The following TRIM37 variants were observed in gnomAD, a reference collection of about 807,000 sequenced individuals.
The protein encoded by TRIM37 is tripartite motif containing 37, also known as E3 ubiquitin-protein ligase TRIM37.
Under a neutral mutation model 129.8 loss-of-function variants are expected in TRIM37, and 80 were observed. The observed-to-expected ratio is 0.62, with a 90% CI of 0.51 to 0.74. The LOEUF (loss-of-function observed/expected upper bound fraction) is 0.74, where lower values mean the gene tolerates loss of function less well. TRIM37 is among the 30% of genes least tolerant of loss of function. The pLI is 0.00. For synonymous variants in TRIM37, 389 were observed against 387.1 expected, an observed-to-expected ratio of 1.00 and a Z score of -0.06; for missense variants, 1,054 against 1,176.5, an observed-to-expected ratio of 0.90 and a Z score of 1.52.
intron 16 of TRIM37, among the ~76,000 whole-genome samples, chr17:59,045,580 A>T (rs1456844997): frequency 6.6e-6 from 1 of 151,196 alleles, no homozygotes; most frequent in Admixed American, 6.6e-5. Context: ...CGGAGGTTGC[A>T]GTGAGCCGAG....
chr17:58,977,642 TAG>T (rs2031092499), downstream of TRIM37, among the ~76,000 whole-genome samples: 2 of 152,216 alleles, frequency 1.3e-5, no homozygotes, highest in African/African-American at 4.8e-5. Flanking sequence ...TGCAACCTGC[TAG>T]ATAGGGCATG....
At chr17:59,096,567 A>C (rs568547215) in intron 2 of TRIM37, among the ~76,000 whole-genome samples, 37 of 150,826 alleles carry the variant, frequency 2.5e-4, no homozygotes, top group African/African-American at 5.6e-4. Context: ...AAAAAACAAA[A>C]AAAAAAAAAC....
intron 11 of TRIM37, 67 bp downstream of exon 11, chr17:59,062,500 A>G: frequency 8.0e-7 from 1 of 1,254,530 alleles, no homozygotes; most frequent in Admixed American, 1.8e-5. Context: ...TAATCAAATT[A>G]GTATACTACA....
Position 59,070,917 on chromosome 17 carries a change from A to AT in TRIM37, c.714dup (p.Ser239IlefsTer2). 6.2e-7 allele frequency: 1 copy of AT among 1,614,106 alleles called. No individual in the cohort carries two copies. The highest frequency in any genetic ancestry group is 8.5e-7 in the Non-Finnish European group (1 of 1,179,976). Reference sequence around the variant, plus strand: ...ATCATAAGGATCTCTGAGCTCTTAGATATCAACTCACTCTTACTACAAGAC... The same window carrying AT: ...ATCATAAGGATCTCTGAGCTCTTAGATTATCAACTCACTCTTACTACAAGAC... On this transcript the variant is annotated frameshift_variant, in exon 9 of 24. Transcript: ENST00000262294. LOFTEE classifies it high-confidence loss of function.
At chr17:59,094,254 G>A (rs2044659196) in intron 2 of TRIM37, among the ~76,000 whole-genome samples, 2 of 152,018 alleles carry the variant, frequency 1.3e-5, no homozygotes, top group African/African-American at 4.8e-5. Context: ...TTTGAGAAAA[G>A]CAATGTTTCT....
At chr17:59,045,321 T>A (rs1436461584) in intron 16 of TRIM37, among the ~76,000 whole-genome samples, 1 of 148,502 alleles carries the variant, frequency 6.7e-6, no homozygotes, top group Non-Finnish European at 1.5e-5. Flanking sequence ...AGAGCGAGAC[T>A]CCGTTTCAAA....
chr17:59,106,587 G>A lies in TRIM37; in HGVS notation c.-126C>T. On this transcript the variant is annotated 5_prime_UTR_variant, in exon 1 of 24. Coordinates refer to ENST00000262294, the MANE Select transcript of TRIM37 (RefSeq NM_015294.6). Reference sequence around the variant, plus strand: ...CCCGGCGCCCACGTCAGGGGGCTCTGACAACCGCCCCACCTGCGCGCCCCA... The same window carrying A: ...CCCGGCGCCCACGTCAGGGGGCTCTAACAACCGCCCCACCTGCGCGCCCCA... The A allele has an allele frequency of 8.6e-7, 1 of 1,159,324 alleles. No homozygotes were observed. The highest frequency in any genetic ancestry group is 2.0e-5 in the Admixed American group (1 of 50,348). 71.8% of individuals were successfully genotyped at this position (1,159,324 alleles called of 1,614,324 possible). A position where few individuals can be genotyped will look rare whatever the true frequency, so the allele number is the denominator to read the frequency against.
intron 13 of TRIM37, among the ~76,000 whole-genome samples, chr17:59,055,473 T>C (rs1336396779): frequency 6.6e-6 from 1 of 151,292 alleles, no homozygotes; most frequent in East Asian, 1.9e-4. Context: ...GGCAGGAGGC[T>C]CAAGAGGTCA....
intron 22 of TRIM37, 44 bp from the exon 23 acceptor site, chr17:59,001,758 G>A: frequency 1.2e-6 from 2 of 1,609,410 alleles, no homozygotes; most frequent in South Asian, 2.2e-5. Flanking sequence ...AGAAACCACT[G>A]TAAGTAAAAG....
chr17:58,974,616 T>C, the TRIM37 span, among the ~76,000 whole-genome samples: 3 of 152,336 alleles, frequency 2.0e-5, 1 homozygote, highest in South Asian at 6.2e-4. Context: ...TCAATATGTA[T>C]ATCTATATGG....
At chr17:58,975,609 G>C in the TRIM37 span, among the ~76,000 whole-genome samples, 3 of 152,184 alleles carry the variant, frequency 2.0e-5, no homozygotes, top group Admixed American at 6.5e-5. Flanking sequence ...TAAATACACA[G>C]GGGTTTGAAA....
rs1262037073 is a variant in TRIM37, at chr17:59,106,677, C to G, written c.-216G>C. The G allele has an allele frequency of 3.2e-6, 2 of 623,132 alleles. No individual in the cohort carries two copies. Among genetic ancestry groups the G allele is most frequent in the Non-Finnish European group, 5.7e-6 (2 of 351,434 alleles). The allele number at this position is 623,132 out of a possible 1,614,324, so 38.6% of individuals were successfully genotyped here. A position where few individuals can be genotyped will look rare whatever the true frequency, so the allele number is the denominator to read the frequency against. On this transcript the variant is annotated 5_prime_UTR_variant, in exon 1 of 24. Transcript: ENST00000262294. ...TTTTACCGGCGCGCCCGCCCCGAGGCGCAGAAGTAGGGCGAACGGTGGCCG... is the reference window on the plus strand; with the variant it reads ...TTTTACCGGCGCGCCCGCCCCGAGGGGCAGAAGTAGGGCGAACGGTGGCCG...
At chr17:58,996,792 A>ATATGTG (rs371226896), downstream of TRIM37, among the ~76,000 whole-genome samples, 8 of 79,328 alleles carry the variant, frequency 1.0e-4, no homozygotes, top group Admixed American at 3.5e-4. Context: ...GTATATATAT[A>ATATGTG]TGTGTGTGTG....
At chr17:58,981,531 G>C (rs1043299364), downstream of TRIM37, 2 of 152,846 alleles carry the variant, frequency 1.3e-5, no homozygotes, top group Non-Finnish European at 2.9e-5. Flanking sequence ...CACCTTTTTG[G>C]GTAGGTAAAA....
At chr17:59,008,792 T>C (rs898898379) in intron 22 of TRIM37, among the ~76,000 whole-genome samples, 1 of 152,154 alleles carries the variant, frequency 6.6e-6, no homozygotes, top group African/African-American at 2.4e-5. Context: ...TCTTACCAAT[T>C]TTCCTGCCTC....
downstream of TRIM37, chr17:58,980,868 C>A (rs1325814535): frequency 3.1e-6 from 5 of 1,614,172 alleles, no homozygotes; most frequent in Middle Eastern, 4.9e-4. The surrounding 1 kb of genome is among the most constrained non-coding windows in gnomAD (Gnocchi z 4.7). Context: ...AAAATAGGCA[C>A]TAGCCTGTCC....
chr17:59,042,904 T>C (rs988154190), intron 16 of TRIM37, among the ~76,000 whole-genome samples: 2 of 152,104 alleles, frequency 1.3e-5, no homozygotes, highest in Non-Finnish European at 2.9e-5. Flanking sequence ...CCTATTTAAT[T>C]AGTGTTAGAA....
chr17:58,980,506 C>T, downstream of TRIM37: 1 of 1,614,180 alleles, frequency 6.2e-7, no homozygotes. The surrounding 1 kb of genome is among the most constrained non-coding windows in gnomAD (Gnocchi z 4.7). Flanking sequence ...GCAAACCTCA[C>T]AGTGCCCAGT....
chr17:59,081,071 T>G (rs775615274), intron 6 of TRIM37, 26 bp downstream of exon 6: 30 of 1,500,682 alleles, frequency 2.0e-5, no homozygotes, highest in Non-Finnish European at 2.6e-5. Flanking sequence ...AAAAACAAAA[T>G]AATTATATTT....
Sources: allele counts gnomAD v4.1 joint callset (sites outside exome capture counted in the v4.1 genomes callset), GRCh38; gene constraint gnomAD v4.1.1; non-coding constraint Gnocchi (gnomAD v3.1); transcripts MANE v1.5; gene names NCBI Gene and HGNC (gene_info 2026-07-23, HGNC 2026-07-21).